The following GRAMD4 variants were observed in gnomAD, a reference collection of about 807,000 sequenced individuals.
GRAMD4 encodes GRAM domain-containing protein 4.
A neutral mutation model predicts 83.9 loss-of-function variants in GRAMD4; 25 were observed. The observed-to-expected ratio is 0.30, with a 90% confidence interval of 0.22 to 0.42. GRAMD4 has a LOEUF of 0.42. Among genes scored for constraint, GRAMD4 ranks in the 10% least tolerant of loss-of-function variants. The probability of loss-of-function intolerance (pLI) is 1.00; values close to 1 mark genes in which losing one functional copy is unlikely to be tolerated. For missense variants in GRAMD4, 593 were observed against 788.7 expected (o/e 0.75, Z 2.97); for synonymous variants, 336 against 320.9 (o/e 1.05, Z -0.50).
intron 1 of GRAMD4, among the ~76,000 whole-genome samples, chr22:46,601,029 A>G (rs907440568): frequency 9.2e-5 from 14 of 152,170 alleles, no homozygotes; most frequent in Non-Finnish European, 1.8e-4. Flanking sequence ...CTATAGTCCC[A>G]GCTACTCGGG....
At chr22:46,597,362 G>C (rs2081271507) in intron 1 of GRAMD4, among the ~76,000 whole-genome samples, 1 of 152,210 alleles carries the variant, frequency 6.6e-6, no homozygotes, top group Non-Finnish European at 1.5e-5. Context: ...GGGATGAGAT[G>C]ATGTGGTGAG....
intron 1 of GRAMD4, among the ~76,000 whole-genome samples, chr22:46,588,916 C>G (rs1031237204): frequency 1.3e-5 from 2 of 152,218 alleles, no homozygotes; most frequent in Non-Finnish European, 2.9e-5. Context: ...AGCGTCTCCC[C>G]ACCCCCTCCC....
At chr22:46,630,828 T>TGGTGGTCCTGGCAGCTGTGC (rs1469993676) in intron 2 of GRAMD4, among the ~76,000 whole-genome samples, 1 of 152,192 alleles carries the variant, frequency 6.6e-6, no homozygotes, top group Non-Finnish European at 1.5e-5. Flanking sequence ...TGTGCCTGTG[T>TGGTGGTCCTGGCAGCTGTGC]GGTGGTCCTG....
At chr22:46,655,971 G>A (rs1188307346) in intron 3 of GRAMD4, among the ~76,000 whole-genome samples, 2 of 152,168 alleles carry the variant, frequency 1.3e-5, no homozygotes, top group African/African-American at 2.4e-5. Context: ...TCCCCAGAAC[G>A]GAGGCGGGGC....
intron 3 of GRAMD4, among the ~76,000 whole-genome samples, chr22:46,640,937 A>G (rs970539067): frequency 2.6e-5 from 4 of 152,052 alleles, no homozygotes; most frequent in African/African-American, 9.7e-5. Context: ...CCACGAGTCT[A>G]ATATCACAAC....
chr22:46,629,621 G>T (rs2081735200), intron 2 of GRAMD4, among the ~76,000 whole-genome samples: 1 of 152,186 alleles, frequency 6.6e-6, no homozygotes, highest in African/African-American at 2.4e-5. Flanking sequence ...CAGAGGCCTT[G>T]GGGGTTGGTT....
intron 1 of GRAMD4, among the ~76,000 whole-genome samples, chr22:46,603,515 C>CTTTGTTTTTTTTTTTTTTTTTTT (rs2081334775): frequency 2.5e-5 from 2 of 81,590 alleles, no homozygotes; most frequent in African/African-American, 8.8e-5. Context: ...GGCCTCTTCT[C>CTTTGTTTTTTTTTTTTTTTTTTT]TTTTTTTTTT....
At chr22:46,611,481 G>A (rs138514) in intron 1 of GRAMD4, among the ~76,000 whole-genome samples, 73,009 of 151,770 alleles carry the variant, frequency 0.48, 18,903 homozygotes, top group Non-Finnish European at 0.6. Context: ...CTGCCTTCCC[G>A]AACCTCAGTT....
chr22:46,613,614 CAG>C (rs147158218), intron 1 of GRAMD4, among the ~76,000 whole-genome samples: 11,103 of 152,268 alleles, frequency 0.073, 683 homozygotes, highest in African/African-American at 0.17. Flanking sequence ...CCGTCTCGGA[CAG>C]AGGGCATCGC....
At chr22:46,674,898 G>A in intron 16 of GRAMD4, 148 bp downstream of exon 16, 1 of 666,302 alleles carries the variant, frequency 1.5e-6, no homozygotes, top group Admixed American at 2.2e-5. Flanking sequence ...CGGCTGTCTG[G>A]GCTCCCAGGG....
intron 1 of GRAMD4, among the ~76,000 whole-genome samples, chr22:46,603,188 C>T (rs1444485967): frequency 7.0e-6 from 1 of 143,642 alleles, no homozygotes. Context: ...TTTAACATAA[C>T]GTATCTTCTC....
At chr22:46,601,796 T>TA (rs894836981) in intron 1 of GRAMD4, among the ~76,000 whole-genome samples, 1 of 152,158 alleles carries the variant, frequency 6.6e-6, no homozygotes, top group African/African-American at 2.4e-5. Context: ...ACCTTGTCTC[T>TA]AAAAAACTTT....
At chr22:46,639,321 T>TGCAGCG (rs1885131954) in intron 3 of GRAMD4, among the ~76,000 whole-genome samples, 1 of 134,502 alleles carries the variant, frequency 7.4e-6, no homozygotes, top group African/African-American at 2.8e-5. Context: ...TAACCCTGTG[T>TGCAGCG]GTGTGTGCAC....
rs182634768 is a variant in GRAMD4, at chr22:46,588,526, C to G, written c.-50+11236C>G. On this transcript the variant is annotated intron_variant, in intron 1 of 1. Coordinates refer to the GRAMD4 transcript ENST00000431155. Reference sequence around the variant, plus strand: ...GCAAGAGGGGAGCTGTGGCCTCTGGCCAGCCACGTTCTAAGCTTTTACAAG... The same window carrying G: ...GCAAGAGGGGAGCTGTGGCCTCTGGGCAGCCACGTTCTAAGCTTTTACAAG... Among the ~76,000 whole-genome samples the G allele has an allele frequency of 2.4e-4, 36 of 152,322 alleles. 1 individual carries two copies. The highest frequency in any genetic ancestry group is 3.4e-3 in the Middle Eastern group (1 of 294).
chr22:46,630,900 G>T (rs113374934), intron 2 of GRAMD4, among the ~76,000 whole-genome samples: 910 of 89,288 alleles, frequency 0.01, 7 homozygotes, highest in African/African-American at 0.028. Context: ...CCCGGCCTCC[G>T]CAGTGTGCCC....
chr22:46,627,335 A>G (rs2081681535), intron 2 of GRAMD4, among the ~76,000 whole-genome samples: 1 of 152,232 alleles, frequency 6.6e-6, no homozygotes. Context: ...CTTGTCTTCT[A>G]TTCAAGCCAA....
rs529504145 is a variant in GRAMD4 at position 46,672,345 on chromosome 22, C to T, written c.1085-498C>T. Among the ~76,000 whole-genome samples, 10 of 146,942 alleles carry T rather than the reference C, an allele frequency of 6.8e-5. No homozygotes were observed. The highest frequency in any genetic ancestry group is 9.0e-5 in the Non-Finnish European group (6 of 66,920). On this transcript the variant is annotated intron_variant, in intron 13 of 18. Transcript: ENST00000406902. This position sits in a 1 kb window ranked among gnomAD's most constrained non-coding sequence, Gnocchi z 4.7. ...AGCCGTCTGAGCAGCTGGTCATGGG[C>T]GGCCTCTCAGCAGGGATGGGCTGGG...
exon 1 of GRAMD4, chr22:46,577,171 C>T (rs2081049861): frequency 1.9e-6 from 1 of 514,454 alleles, no homozygotes. Flanking sequence ...GGGGCCGCCT[C>T]CTCCCGGCTC....
At chr22:46,631,041 G>C (rs543397405) in intron 2 of GRAMD4, among the ~76,000 whole-genome samples, 2 of 152,208 alleles carry the variant, frequency 1.3e-5, no homozygotes, top group Non-Finnish European at 2.9e-5. Flanking sequence ...CCACCGCCCC[G>C]AGGGGCAAGA....
Sources: allele counts gnomAD v4.1 joint callset (sites outside exome capture counted in the v4.1 genomes callset), GRCh38; gene constraint gnomAD v4.1.1; non-coding constraint Gnocchi (gnomAD v3.1); transcripts MANE v1.5; gene names NCBI Gene and HGNC (gene_info 2026-07-23, HGNC 2026-07-21).